MCHR2: variants seen among roughly 807,000 people sequenced by gnomAD.
MCHR2 encodes the protein melanin concentrating hormone receptor 2.
Under a neutral mutation model 24.8 loss-of-function variants are expected in MCHR2, and 15 were observed. That is an observed-to-expected ratio of 0.60 (90% CI 0.40 to 0.93). The LOEUF (loss-of-function observed/expected upper bound fraction) is 0.93. Ranked by LOEUF, MCHR2 falls within the 40% of genes least tolerant of loss-of-function variation. MCHR2 has a pLI of 0.00. For synonymous variants in MCHR2, 151 were observed against 147.6 expected, an observed-to-expected ratio of 1.02 and a Z score of -0.17; for missense variants, 386 against 408.7, an observed-to-expected ratio of 0.94 and a Z score of 0.48.
chr6:99,959,119 C>A (rs918618199), intron 1 of MCHR2, among the ~76,000 whole-genome samples: 5 of 152,072 alleles, frequency 3.3e-5, no homozygotes, highest in African/African-American at 1.2e-4. Context: ...ATAGCTCAAA[C>A]TGGGGCACTG....
intron 1 of MCHR2, among the ~76,000 whole-genome samples, chr6:99,973,716 G>GTTTA (rs1380232839): frequency 3.9e-5 from 6 of 152,238 alleles, no homozygotes; most frequent in Admixed American, 1.3e-4. Context: ...TCCTTTCCAT[G>GTTTA]TTTAGTGCTT....
chr6:99,977,403 A>T (rs1259551237), intron 1 of MCHR2, among the ~76,000 whole-genome samples: 1 of 152,150 alleles, frequency 6.6e-6, no homozygotes, highest in Non-Finnish European at 1.5e-5. Flanking sequence ...AAGAAAATTT[A>T]CTCTGCTTAG....
rs397774561 is a variant in MCHR2, at chr6:99,919,734, GT to G, written c.*1205del. 1.7e-4 allele frequency among the ~76,000 whole-genome samples: 24 copies of G among 140,784 alleles called. No homozygotes were observed. The highest frequency in any genetic ancestry group is 7.9e-4 in the Admixed American group (11 of 13,838). The allele number at this position is 140,784 out of a possible 152,430, so 92.4% of individuals were successfully genotyped here. The stretch of plus-strand genomic sequence containing the variant: ...TCTTGTTTTTTTTTTTGTTTGTTTT[GT>G]TTTTTTTTTTGAGATGACGTCTCAC... On this transcript the variant is annotated 3_prime_UTR_variant, in exon 6 of 6. Transcript: ENST00000281806.
chr6:99,948,101 T>C, intron 2 of MCHR2, 130 bp from the exon 3 acceptor site: 1 of 704,582 alleles, frequency 1.4e-6, no homozygotes, highest in South Asian at 2.0e-5. Context: ...TACAGATGCA[T>C]AGAGGAAATG....
intron 1 of MCHR2, among the ~76,000 whole-genome samples, chr6:99,970,506 T>G (rs910147869): frequency 6.6e-6 from 1 of 152,242 alleles, no homozygotes; most frequent in African/African-American, 2.4e-5. Context: ...TCCCATTTTG[T>G]AGGTTGCCTG....
chr6:99,965,998 G>C (rs1241606275), intron 1 of MCHR2, among the ~76,000 whole-genome samples: 1 of 152,138 alleles, frequency 6.6e-6, no homozygotes, highest in Non-Finnish European at 1.5e-5. Flanking sequence ...AAGAATTGCA[G>C]TCAGAAGGCT....
chr6:99,947,871 G>A lies in MCHR2; in HGVS notation c.283C>T (p.Arg95Ter), dbSNP rs748678430. The A allele has an allele frequency of 1.1e-5, 18 of 1,613,538 alleles. No individual in the cohort carries two copies. The highest frequency in any genetic ancestry group is 3.3e-5 in the South Asian group (3 of 91,068). ...CCCCCAAACACCCACTCTCCCCCTC[G>A]GGCCCATTGGTGAATAAGAAAAGGC... ...GMPFLIHQWA[R>*]GGEWVFGGPL... Residue 95 changes from arginine (R) to a stop codon, truncating the protein, a stop_gained, in exon 3 of 6, where the codon CGA becomes TGA. Coordinates refer to ENST00000281806, the MANE Select transcript of MCHR2 (RefSeq NM_001040179.2). LOFTEE classifies it high-confidence loss of function.
rs1774168520 is a variant in MCHR2, at chr6:99,918,834, C to T, written c.*2106G>A. On this transcript the variant is annotated 3_prime_UTR_variant, in exon 6 of 6. Coordinates refer to ENST00000281806, the MANE Select transcript of MCHR2 (RefSeq NM_001040179.2). ...TACTTTGATTAAATGCTAAATAAAGCTCCTTACAACTCTTAGTAAATATAA... is the reference window on the plus strand; with the variant it reads ...TACTTTGATTAAATGCTAAATAAAGTTCCTTACAACTCTTAGTAAATATAA... Among the ~76,000 whole-genome samples, 1 of 152,020 alleles carries T rather than the reference C, an allele frequency of 6.6e-6. No homozygotes were observed. Among genetic ancestry groups the T allele is most frequent in the Non-Finnish European group, 1.5e-5 (1 of 67,998 alleles).
At chr6:99,929,296 GA>G (rs1179040934) in intron 5 of MCHR2, among the ~76,000 whole-genome samples, 3 of 151,870 alleles carry the variant, frequency 2.0e-5, no homozygotes, top group African/African-American at 7.2e-5. Context: ...GTGTGGTGCT[GA>G]AAAAAATGTA....
intron 4 of MCHR2, among the ~76,000 whole-genome samples, chr6:99,936,165 T>C (rs1774656480): frequency 6.6e-6 from 1 of 152,078 alleles, no homozygotes; most frequent in African/African-American, 2.4e-5. Flanking sequence ...TTCACTTTGT[T>C]GATTGTTTTC....
intron 1 of MCHR2, among the ~76,000 whole-genome samples, chr6:99,962,971 G>A (rs983910108): frequency 6.6e-6 from 1 of 151,934 alleles, no homozygotes; most frequent in Non-Finnish European, 1.5e-5. Flanking sequence ...AGACAACATA[G>A]AAATGGCCAA....
intron 1 of MCHR2, among the ~76,000 whole-genome samples, chr6:99,975,858 G>A (rs951471281): frequency 6.6e-6 from 1 of 152,194 alleles, no homozygotes; most frequent in African/African-American, 2.4e-5. Context: ...TTGACTGACA[G>A]AAAGGCATGT....
chr6:99,929,100 G>T (rs1053990693), intron 5 of MCHR2, among the ~76,000 whole-genome samples: 1 of 152,124 alleles, frequency 6.6e-6, no homozygotes, highest in Non-Finnish European at 1.5e-5. Flanking sequence ...TATATACCCA[G>T]TAGTCATTCA....
intron 1 of MCHR2, among the ~76,000 whole-genome samples, chr6:99,961,727 G>A (rs1215260771): frequency 2.0e-5 from 3 of 151,956 alleles, no homozygotes; most frequent in Non-Finnish European, 4.4e-5. Context: ...GCTGGGAGAG[G>A]GATAGCATTA....
chr6:99,959,947 C>T (rs565222772), intron 1 of MCHR2, among the ~76,000 whole-genome samples: 5 of 151,744 alleles, frequency 3.3e-5, no homozygotes, highest in Non-Finnish European at 7.4e-5. Flanking sequence ...AAGAAAGGGA[C>T]AGAAAGCTTA....
At position 99,920,772 on chromosome 6, in the gene MCHR2, A is replaced by G; in HGVS notation, c.*168T>C. ...CAACATTTTACATCTTGCTAAAGTT[A>G]GCATATTAAGCTCATTGTATTTGCA... is the stretch of plus-strand genomic sequence containing the variant. On this transcript the variant is annotated 3_prime_UTR_variant, in exon 6 of 6. Coordinates refer to ENST00000281806, the MANE Select transcript of MCHR2 (RefSeq NM_001040179.2). 3 of 660,626 alleles carry G rather than the reference A, an allele frequency of 4.5e-6. No individual in the cohort carries two copies. Among genetic ancestry groups the G allele is most frequent in the South Asian group, 4.0e-5 (2 of 50,416 alleles). The allele number at this position is 660,626 out of a possible 1,614,324, so 40.9% of individuals were successfully genotyped here. A position where few individuals can be genotyped will look rare whatever the true frequency, so the allele number is the denominator to read the frequency against.
rs200567447 is a variant in MCHR2, at chr6:99,920,285, C to G, written c.*655G>C. The G allele has an allele frequency of 1.3e-5, 2 of 152,202 alleles. No homozygotes were observed. The highest frequency in any genetic ancestry group is 1.3e-4 in the Admixed American group (2 of 15,278). The allele number at this position is 152,202 out of a possible 1,614,324, so 9.4% of individuals were successfully genotyped here. A position where few individuals can be genotyped will look rare whatever the true frequency, so the allele number is the denominator to read the frequency against. On this transcript the variant is annotated 3_prime_UTR_variant, in exon 6 of 6. Transcript: ENST00000281806. ...TGCAGTAGAAAAGAAACAGGCAGAG[C>G]TGAATGTTAGCTCAGCTCTTAGATA... is the stretch of plus-strand genomic sequence containing the variant.
At chr6:99,974,121 GGGAAGTTCTCCT>G (rs1483522120) in intron 1 of MCHR2, among the ~76,000 whole-genome samples, 2 of 152,090 alleles carry the variant, frequency 1.3e-5, no homozygotes, top group Non-Finnish European at 2.9e-5. Flanking sequence ...TGCTAGATTG[GGGAAGTTCTCCT>G]GGATAATATC....
intron 1 of MCHR2, among the ~76,000 whole-genome samples, chr6:99,967,259 A>G (rs774156307): frequency 4.6e-5 from 7 of 152,138 alleles, no homozygotes; most frequent in Non-Finnish European, 8.8e-5. Flanking sequence ...ATCTATGTAT[A>G]CTGACATCTT....
Sources: gnomAD v4.1 joint callset for allele counts (sites outside exome capture counted in the v4.1 genomes callset) on GRCh38, gnomAD v4.1.1 for gene constraint, MANE v1.5 for transcripts, NCBI Gene and HGNC (gene_info 2026-07-23, HGNC 2026-07-21) for gene names.